Variants in SLC25A13 observed in about 807,000 individuals in gnomAD.
SLC25A13 encodes the protein solute carrier family 25 member 13, also known as electrogenic aspartate/glutamate antiporter SLC25A13, mitochondrial.
Under a neutral mutation model 85.5 loss-of-function variants are expected in SLC25A13, and 70 were observed. That is an observed-to-expected ratio of 0.82 (90% CI 0.68 to 1.00). The LOEUF is 1.00. Among genes scored for constraint, SLC25A13 ranks in the 50% least tolerant of loss-of-function variants. The probability of loss-of-function intolerance (pLI) is 0.00; values close to 1 mark genes in which losing one functional copy is unlikely to be tolerated. For missense variants in SLC25A13, 765 were observed against 819.8 expected (o/e 0.93, Z 0.82); for synonymous variants, 259 against 288.7 (o/e 0.90, Z 1.04).
At chr7:96,303,180 C>A (rs1011145978) in intron 1 of SLC25A13, among the ~76,000 whole-genome samples, 4 of 152,122 alleles carry the variant, frequency 2.6e-5, no homozygotes, top group Non-Finnish European at 4.4e-5. Flanking sequence ...TACAGCACAG[C>A]CCTTCCTCAG....
intron 7 of SLC25A13, 91 bp downstream of exon 7, chr7:96,191,018 G>C: frequency 6.8e-7 from 1 of 1,460,052 alleles, no homozygotes; most frequent in East Asian, 2.3e-5. Context: ...CAATGGGATA[G>C]AAAAATAATA....
intron 15 of SLC25A13, among the ~76,000 whole-genome samples, chr7:96,123,168 T>C (rs544295003): frequency 6.6e-6 from 1 of 152,194 alleles, no homozygotes; most frequent in African/African-American, 2.4e-5. Flanking sequence ...CAATTCTGCA[T>C]GCAAAAAGCT....
In SLC25A13 at chr7:96,188,119, T is replaced by C. The variant is rs1794706307; in HGVS notation, c.933+1175A>G. 2.0e-5 allele frequency among the ~76,000 whole-genome samples: 3 copies of C among 152,270 alleles called. No individual in the cohort carries two copies. The South Asian group carries it at 6.2e-4, about 32-fold the overall frequency. On this transcript the variant is annotated intron_variant, in intron 9 of 17. Coordinates refer to ENST00000265631, the MANE Select transcript of SLC25A13 (RefSeq NM_014251.3). Reference sequence around the variant, plus strand: ...TCTCTTAATCCCCAAATTTCTACAATAGCTGGTGGCATACAGACGAAGAGA... The same window carrying C: ...TCTCTTAATCCCCAAATTTCTACAACAGCTGGTGGCATACAGACGAAGAGA...
intron 5 of SLC25A13, among the ~76,000 whole-genome samples, chr7:96,194,469 G>GAAAAAAAAAAAAAAAAA (rs1794986209): frequency 8.0e-5 from 4 of 50,122 alleles, no homozygotes; most frequent in Admixed American, 1.9e-4. Flanking sequence ...AAAAAAAAAG[G>GAAAAAAAAAAAAAAAAA]AACACCAACA....
intron 11 of SLC25A13, among the ~76,000 whole-genome samples, chr7:96,172,932 G>A (rs1467551966): frequency 6.6e-6 from 1 of 152,096 alleles, no homozygotes; most frequent in Non-Finnish European, 1.5e-5. Context: ...CTAATTTTTT[G>A]TATTTTTAGT....
intron 1 of SLC25A13, among the ~76,000 whole-genome samples, chr7:96,302,316 T>C (rs1321085370): frequency 2.0e-5 from 3 of 152,136 alleles, no homozygotes; most frequent in East Asian, 1.9e-4. Context: ...AGAGCAGCCA[T>C]AGGTAGGGGG....
At chr7:96,278,639 T>C (rs1798549871) in intron 2 of SLC25A13, among the ~76,000 whole-genome samples, 2 of 152,190 alleles carry the variant, frequency 1.3e-5, no homozygotes, top group Non-Finnish European at 1.5e-5. Context: ...GAGATACTCA[T>C]GTCATATACT....
At chr7:96,124,821 A>G (rs542490503) in intron 15 of SLC25A13, among the ~76,000 whole-genome samples, 3 of 152,080 alleles carry the variant, frequency 2.0e-5, no homozygotes, top group Non-Finnish European at 4.4e-5. Context: ...TTTGATCCCC[A>G]CCACTTCCCT....
chr7:96,254,724 C>T (rs769268070), intron 3 of SLC25A13, among the ~76,000 whole-genome samples: 13 of 151,586 alleles, frequency 8.6e-5, no homozygotes, highest in Non-Finnish European at 1.9e-4. Context: ...CTTTTGGATA[C>T]GAATGGGGAA....
At chr7:96,213,863 T>TA (rs1795790649) in intron 4 of SLC25A13, among the ~76,000 whole-genome samples, 9 of 152,232 alleles carry the variant, frequency 5.9e-5, no homozygotes, top group Admixed American at 5.9e-4. Context: ...TTTGGATATA[T>TA]AAAGTCATAT....
chr7:96,319,100 C>G (rs1477492832), intron 1 of SLC25A13, among the ~76,000 whole-genome samples: 1 of 152,204 alleles, frequency 6.6e-6, no homozygotes, highest in Non-Finnish European at 1.5e-5. Flanking sequence ...ATAAGTTAGA[C>G]CAGCAGCTTC....
chr7:96,209,312 G>A (rs988925990), intron 4 of SLC25A13, among the ~76,000 whole-genome samples: 2 of 143,908 alleles, frequency 1.4e-5, no homozygotes, highest in East Asian at 4.2e-4. Flanking sequence ...TATTTTCTAG[G>A]TACAGAGGAC....
At chr7:96,314,956 A>G (rs1800077176) in intron 1 of SLC25A13, among the ~76,000 whole-genome samples, 1 of 152,162 alleles carries the variant, frequency 6.6e-6, no homozygotes, top group African/African-American at 2.4e-5. Context: ...TTAGCCCAGG[A>G]GAGGGCTCTG....
intron 2 of SLC25A13, among the ~76,000 whole-genome samples, chr7:96,282,279 C>T (rs568466421): frequency 6.6e-6 from 1 of 152,094 alleles, no homozygotes; most frequent in African/African-American, 2.4e-5. Context: ...ATGCCCATAC[C>T]CCGAGGGCAG....
chr7:96,316,701 T>A (rs1800140100), intron 1 of SLC25A13, among the ~76,000 whole-genome samples: 1 of 152,174 alleles, frequency 6.6e-6, no homozygotes, highest in Non-Finnish European at 1.5e-5. Flanking sequence ...TTAAGAAAAT[T>A]AATTGAGTTA....
intron 13 of SLC25A13, among the ~76,000 whole-genome samples, chr7:96,158,975 A>G (rs945482056): frequency 1.4e-4 from 21 of 152,236 alleles, no homozygotes; most frequent in Non-Finnish European, 3.1e-4. Flanking sequence ...CACAGGTAAA[A>G]AAGAGATATT....
chr7:96,210,770 A>G (rs10264654), intron 4 of SLC25A13, among the ~76,000 whole-genome samples: 149,831 of 152,090 alleles, frequency 0.99, 73,842 homozygotes, highest in Non-Finnish European at 1. Flanking sequence ...AGATGTGACC[A>G]AAAGAAAAAA....
rs114510981 is a variant in SLC25A13, at chr7:96,301,433, A to T, written c.16-4482T>A. On this transcript the variant is annotated intron_variant, in intron 1 of 17. Coordinates refer to ENST00000265631, the MANE Select transcript of SLC25A13 (RefSeq NM_014251.3). ...TTTGTAAGAATGGATTCCAACATTA[A>T]AACAAAAATTTTATATCAAGAATTT... Among the ~76,000 whole-genome samples the T allele has an allele frequency of 2.9e-3, 438 of 152,314 alleles. 1 individual carries two copies. The highest frequency in any genetic ancestry group is 9.8e-3 in the African/African-American group (406 of 41,572).
chr7:96,250,483 C>A (rs1010729514), intron 3 of SLC25A13, among the ~76,000 whole-genome samples: 1 of 152,116 alleles, frequency 6.6e-6, no homozygotes, highest in African/African-American at 2.4e-5. Context: ...GAGGACATGC[C>A]GAATGGTTGG....
Sources: gnomAD v4.1 joint callset for allele counts (sites outside exome capture counted in the v4.1 genomes callset) on GRCh38, gnomAD v4.1.1 for gene constraint, MANE v1.5 for transcripts, NCBI Gene and HGNC (gene_info 2026-07-23, HGNC 2026-07-21) for gene names.